UMAD1: variants seen among roughly 807,000 people sequenced by gnomAD.
UMAD1 encodes the protein UBAP1-MVB12-associated (UMA)-domain containing protein 1.
In UMAD1, 8 loss-of-function variants were observed where a neutral mutation model predicts 6.1. That is an observed-to-expected ratio of 1.30 (90% CI 0.76 to 2.35). UMAD1 has a LOEUF of 2.35. UMAD1 is among the 30% of genes most tolerant of loss of function. UMAD1 has a pLI of 0.00. For synonymous variants in UMAD1, 56 were observed against 31.4 expected (o/e 1.78, Z -2.61); for missense variants, 130 against 78.4 (o/e 1.66, Z -2.49).
At chr7:7,699,353 T>G (rs1288538319) in intron 2 of UMAD1, among the ~76,000 whole-genome samples, 1 of 152,238 alleles carries the variant, frequency 6.6e-6, no homozygotes, top group Non-Finnish European at 1.5e-5. Flanking sequence ...CTCATAAACT[T>G]GGACCTCAAG....
intron 3 of UMAD1, among the ~76,000 whole-genome samples, chr7:7,825,160 G>T (rs575218237): frequency 4.4e-4 from 67 of 152,166 alleles, no homozygotes; most frequent in African/African-American, 1.5e-3. Context: ...GCAGGGGGGA[G>T]TGTAATCTTC....
chr7:7,735,239 T>C (rs1452849411), intron 2 of UMAD1, among the ~76,000 whole-genome samples: 1 of 152,146 alleles, frequency 6.6e-6, no homozygotes, highest in Admixed American at 6.5e-5. Flanking sequence ...AATAACCCAT[T>C]ACGGGATCAA....
At chr7:7,822,208 G>T (rs1031808761) in intron 3 of UMAD1, among the ~76,000 whole-genome samples, 2 of 151,962 alleles carry the variant, frequency 1.3e-5, no homozygotes, top group Non-Finnish European at 2.9e-5. Context: ...AACTTAAAGG[G>T]TTTGGGCGCA....
In UMAD1 at chr7:7,833,764, A is replaced by G. The variant is rs568679454; in HGVS notation, c.156+32021A>G. On this transcript the variant is annotated intron_variant, in intron 3 of 3. Coordinates refer to ENST00000682710, the MANE Select transcript of UMAD1 (RefSeq NM_001302348.2). ...GCTAAATATACAAAACCATAGTTCT[A>G]TGTATGTCTTTAATCATGGAATAGC... Among the ~76,000 whole-genome samples the G allele has an allele frequency of 2.6e-5, 4 of 152,184 alleles. No individual in the cohort carries two copies. In the South Asian group the frequency reaches 8.3e-4, roughly 32 times the overall value.
chr7:7,641,169 T>G (rs1784962856), intron 1 of UMAD1: 1 of 152,230 alleles, frequency 6.6e-6, no homozygotes, highest in Non-Finnish European at 1.5e-5. Context: ...TTCTCCACTT[T>G]CTCCACCTGT....
intron 2 of UMAD1, among the ~76,000 whole-genome samples, chr7:7,780,235 C>T (rs904183604): frequency 6.6e-6 from 1 of 152,212 alleles, no homozygotes; most frequent in Admixed American, 6.5e-5. Context: ...TCAAACTAAG[C>T]TCTCCTCATA....
intron 2 of UMAD1, among the ~76,000 whole-genome samples, chr7:7,739,147 T>C (rs1305941624): frequency 6.6e-6 from 1 of 152,270 alleles, no homozygotes; most frequent in East Asian, 1.9e-4. Context: ...CTTAGATTAA[T>C]GTATTTTAAT....
chr7:7,786,811 A>G (rs1297752991), intron 2 of UMAD1, among the ~76,000 whole-genome samples: 3 of 152,174 alleles, frequency 2.0e-5, no homozygotes, highest in African/African-American at 7.2e-5. Context: ...CCTGACAGCC[A>G]TAGGAGGAGG....
chr7:7,857,811 C>T (rs1045914365), intron 3 of UMAD1, among the ~76,000 whole-genome samples: 10 of 152,154 alleles, frequency 6.6e-5, no homozygotes, highest in Admixed American at 3.3e-4. Context: ...AAATGGTGTC[C>T]TCCAGATTCC....
chr7:7,665,525 AC>A (rs2115096976), intron 1 of UMAD1, among the ~76,000 whole-genome samples: 1 of 152,322 alleles, frequency 6.6e-6, no homozygotes, highest in African/African-American at 2.4e-5. Flanking sequence ...TTTTTAAAGA[AC>A]TTTATTGAGA....
intron 3 of UMAD1, among the ~76,000 whole-genome samples, chr7:7,848,228 C>G (rs1452922547): frequency 6.6e-6 from 1 of 152,134 alleles, no homozygotes; most frequent in Non-Finnish European, 1.5e-5. Context: ...CTCTGTTGTA[C>G]TACTAAATGT....
At chr7:7,710,867 A>G (rs1780741075) in intron 2 of UMAD1, among the ~76,000 whole-genome samples, 1 of 152,226 alleles carries the variant, frequency 6.6e-6, no homozygotes, top group African/African-American at 2.4e-5. Context: ...AAGAAGTAAC[A>G]AACTGTTGAT....
At chr7:7,676,461 C>A (rs1261396871) in intron 2 of UMAD1, among the ~76,000 whole-genome samples, 1 of 152,142 alleles carries the variant, frequency 6.6e-6, no homozygotes, top group Non-Finnish European at 1.5e-5. Context: ...ATCCTCTAAA[C>A]CACTGAACTA....
chr7:7,762,038 G>T (rs1156806535), intron 2 of UMAD1, among the ~76,000 whole-genome samples: 3 of 152,190 alleles, frequency 2.0e-5, no homozygotes, highest in Non-Finnish European at 4.4e-5. Flanking sequence ...TTCATAGGCA[G>T]TTAGGGACTA....
intron 2 of UMAD1, among the ~76,000 whole-genome samples, chr7:7,757,908 G>A (rs1781809450): frequency 6.6e-6 from 1 of 152,112 alleles, no homozygotes; most frequent in African/African-American, 2.4e-5. Context: ...GTTGTGTTGT[G>A]TTTGATCCTA....
At chr7:7,693,835 G>A (rs1316597013) in intron 2 of UMAD1, among the ~76,000 whole-genome samples, 1 of 152,028 alleles carries the variant, frequency 6.6e-6, no homozygotes, top group African/African-American at 2.4e-5. Flanking sequence ...TACTTACCAT[G>A]AGTGTATGTA....
chr7:7,673,771 C>T (rs1271763545), intron 2 of UMAD1, among the ~76,000 whole-genome samples: 2 of 150,958 alleles, frequency 1.3e-5, no homozygotes, highest in Non-Finnish European at 2.9e-5. Context: ...AATTCAAGTT[C>T]TGTCTTATAA....
chr7:7,805,239 A>G (rs1782888673), intron 3 of UMAD1, among the ~76,000 whole-genome samples: 1 of 152,114 alleles, frequency 6.6e-6, no homozygotes, highest in Admixed American at 6.5e-5. Context: ...TCCTTAACCC[A>G]TAGAAGAACT....
intron 2 of UMAD1, among the ~76,000 whole-genome samples, chr7:7,731,150 C>T (rs1781242116): frequency 6.6e-6 from 1 of 152,114 alleles, no homozygotes; most frequent in Non-Finnish European, 1.5e-5. Context: ...AAGTGCGTGC[C>T]ACCACGCCCA....
Sources: allele counts gnomAD v4.1 joint callset (sites outside exome capture counted in the v4.1 genomes callset), GRCh38; gene constraint gnomAD v4.1.1; transcripts MANE v1.5; gene names NCBI Gene and HGNC (gene_info 2026-07-23, HGNC 2026-07-21).